Variants in RBFOX1 observed in about 807,000 individuals in gnomAD.
RBFOX1 encodes the protein RNA binding protein fox-1 homolog 1.
RBFOX1 carries 8 observed loss-of-function variants against 57.7 expected under a neutral mutation model. The ratio of observed to expected loss-of-function variants is 0.14; its 90% CI spans 0.08 to 0.25. RBFOX1 has a LOEUF of 0.25. Ranked by LOEUF, RBFOX1 falls within the 10% of genes least tolerant of loss-of-function variation. RBFOX1 has a pLI of 1.00. For missense variants in RBFOX1, 611 were observed against 548.5 expected, an observed-to-expected ratio of 1.11 and a Z score of -1.14; for synonymous variants, 326 against 222.4, an observed-to-expected ratio of 1.47 and a Z score of -4.15.
At chr16:5,694,257 C>G (rs1191736943) in intron 3 of RBFOX1, among the ~76,000 whole-genome samples, 1 of 152,144 alleles carries the variant, frequency 6.6e-6, no homozygotes, top group African/African-American at 2.4e-5. Context: ...CCTCAATTTC[C>G]AAGACTGTGA....
chr16:5,898,255 C>A (rs1354499291), intron 4 of RBFOX1, among the ~76,000 whole-genome samples: 1 of 152,178 alleles, frequency 6.6e-6, no homozygotes, highest in Non-Finnish European at 1.5e-5. Context: ...CTACCAGGTC[C>A]CTTCCATGAC....
rs188518329 is a variant in RBFOX1 at position 6,655,296 on chromosome 16, C to A, written c.-16+646C>A. Among the ~76,000 whole-genome samples the A allele has an allele frequency of 2.7e-3, 378 of 139,802 alleles. 2 individuals are homozygous for A. The highest frequency in any genetic ancestry group is 9.1e-3 in the African/African-American group (343 of 37,850). 91.7% of individuals were successfully genotyped at this position (139,802 alleles called of 152,430 possible). ...GGCTGAGGCAGGAGAATCACTTGAT[C>A]CTTGGAGGTGGAGACTGCAGTGAGC... On this transcript the variant is annotated intron_variant, in intron 3 of 15. Coordinates refer to ENST00000550418, the MANE Select transcript of RBFOX1 (RefSeq NM_018723.4).
intron 4 of RBFOX1, among the ~76,000 whole-genome samples, chr16:7,173,009 G>A (rs746293234): frequency 1.2e-4 from 19 of 152,096 alleles, no homozygotes; most frequent in Admixed American, 9.2e-4. Flanking sequence ...AAACTACCAC[G>A]TGTGTATTTT....
chr16:6,193,376 A>ATATATATAC (rs2097155707), intron 1 of RBFOX1, among the ~76,000 whole-genome samples: 3 of 80,748 alleles, frequency 3.7e-5, no homozygotes, highest in South Asian at 8.9e-4. Flanking sequence ...ATATATATAT[A>ATATATATAC]CATTATATAT....
At chr16:6,814,478 C>A (rs900301382) in intron 3 of RBFOX1, among the ~76,000 whole-genome samples, 6 of 152,134 alleles carry the variant, frequency 3.9e-5, no homozygotes, top group Non-Finnish European at 8.8e-5. Context: ...CTTCTAGCTT[C>A]ATGGGGCTTA....
At chr16:5,830,054 T>C (rs973210357) in intron 3 of RBFOX1, among the ~76,000 whole-genome samples, 1 of 152,224 alleles carries the variant, frequency 6.6e-6, no homozygotes, top group Non-Finnish European at 1.5e-5. Context: ...GTAGGGTTTT[T>C]AAAACACCAC....
chr16:6,594,269 A>G (rs999378482), intron 2 of RBFOX1, among the ~76,000 whole-genome samples: 9 of 152,204 alleles, frequency 5.9e-5, no homozygotes, highest in Admixed American at 5.9e-4. Context: ...CGAAGTTCAG[A>G]TTTAACAGAA....
Position 6,858,252 on chromosome 16 carries a change from A to G in RBFOX1, c.-15-193805A>G, listed in dbSNP as rs2058271765. Among the ~76,000 whole-genome samples the G allele has an allele frequency of 2.6e-5, 4 of 152,214 alleles. No homozygotes were observed. In the South Asian group the frequency reaches 8.3e-4, roughly 32 times the overall value. On this transcript the variant is annotated intron_variant, in intron 3 of 15. Coordinates refer to ENST00000550418, the MANE Select transcript of RBFOX1 (RefSeq NM_018723.4). ...GTTTTGAGATTTATCTCAAATGATG[A>G]ACTACACTTTGTAGGGAATGTTTCA...
chr16:5,541,073 C>T (rs1049959952), intron 2 of RBFOX1, among the ~76,000 whole-genome samples: 7 of 152,066 alleles, frequency 4.6e-5, no homozygotes, highest in Admixed American at 1.3e-4. Flanking sequence ...TGATCTCGAA[C>T]CCCTGGCCTC....
chr16:5,502,423 G>A (rs925701487), intron 2 of RBFOX1, among the ~76,000 whole-genome samples: 1 of 152,154 alleles, frequency 6.6e-6, no homozygotes, highest in South Asian at 2.1e-4. Context: ...GCTTGCCTGA[G>A]GGTCAGGGGG....
chr16:6,677,796 G>A (rs2057997131), intron 3 of RBFOX1, among the ~76,000 whole-genome samples: 1 of 152,086 alleles, frequency 6.6e-6, no homozygotes, highest in Non-Finnish European at 1.5e-5. Flanking sequence ...GAGGAAGACT[G>A]AACAATGGTG....
chr16:5,837,748 T>A (rs950031519), intron 3 of RBFOX1, among the ~76,000 whole-genome samples: 2 of 152,146 alleles, frequency 1.3e-5, no homozygotes, highest in Non-Finnish European at 2.9e-5. Flanking sequence ...CCATCAGTAA[T>A]TATTTATATA....
At chr16:5,961,894 A>G (rs189418159) in intron 4 of RBFOX1, among the ~76,000 whole-genome samples, 3 of 152,180 alleles carry the variant, frequency 2.0e-5, no homozygotes, top group Non-Finnish European at 2.9e-5. Flanking sequence ...AGAAACTCCA[A>G]ATAACAGTAA....
intron 4 of RBFOX1, among the ~76,000 whole-genome samples, chr16:7,081,696 A>G (rs2059229288): frequency 6.6e-6 from 1 of 152,206 alleles, no homozygotes; most frequent in Non-Finnish European, 1.5e-5. Flanking sequence ...TCTATATTTC[A>G]TAATTATTTA....
chr16:7,609,311 G>A (rs538230932), intron 10 of RBFOX1, among the ~76,000 whole-genome samples: 9 of 152,300 alleles, frequency 5.9e-5, no homozygotes, highest in African/African-American at 1.2e-4. Context: ...GGTCCTGTGC[G>A]ATGGAGTTGC....
At chr16:6,089,659 T>G (rs6500756) in intron 1 of RBFOX1, among the ~76,000 whole-genome samples, 143,587 of 152,272 alleles carry the variant, frequency 0.94, 67,788 homozygotes, top group African/African-American at 0.97. Context: ...GTTACCTGAG[T>G]ACGGGGTCAG....
intron 2 of RBFOX1, among the ~76,000 whole-genome samples, chr16:6,470,451 T>C (rs1028253656): frequency 4.6e-5 from 7 of 152,262 alleles, no homozygotes; most frequent in Non-Finnish European, 7.3e-5. Context: ...GATTAGCAAC[T>C]GCATTCTCCT....
rs1202442941 is a variant in RBFOX1 at position 6,019,690 on chromosome 16, T to C, written c.-429T>C. 7 of 1,339,532 alleles carry C rather than the reference T, an allele frequency of 5.2e-6. No individual in the cohort carries two copies. The highest frequency in any genetic ancestry group is 6.7e-6 in the Non-Finnish European group (7 of 1,045,546). 83.0% of individuals were successfully genotyped at this position (1,339,532 alleles called of 1,614,324 possible). On this transcript the variant is annotated 5_prime_UTR_variant, in exon 1 of 16. Transcript: ENST00000550418. The surrounding 1 kb of genome is among the most constrained non-coding windows in gnomAD (Gnocchi z 4.2). ...CGTCCGGAGCAGGAGAACTCCGAGC[T>C]TCTTGCCCAGGCAGAGAGAGCAGGA...
At chr16:7,367,381 A>T (rs1027764972) in intron 4 of RBFOX1, among the ~76,000 whole-genome samples, 2 of 152,202 alleles carry the variant, frequency 1.3e-5, no homozygotes, top group Non-Finnish European at 2.9e-5. Context: ...CATTTTGGCT[A>T]GTCTTCCTCT....
Sources: gnomAD v4.1 joint callset for allele counts (sites outside exome capture counted in the v4.1 genomes callset) on GRCh38, gnomAD v4.1.1 for gene constraint, Gnocchi (gnomAD v3.1) non-coding constraint, MANE v1.5 for transcripts, NCBI Gene and HGNC (gene_info 2026-07-23, HGNC 2026-07-21) for gene names.